The following ATOSB variants were observed in gnomAD, a reference collection of about 807,000 sequenced individuals.
ATOSB encodes the protein atos homolog B.
the ATOSB span, chr9:35,107,444 A>C: frequency 6.2e-7 from 1 of 1,613,858 alleles, no homozygotes; most frequent in Non-Finnish European, 8.5e-7. Flanking sequence ...TGGCATCAGA[A>C]CTGTTGGCAG....
chr9:35,114,243 T>C, the ATOSB span, among the ~76,000 whole-genome samples: 1 of 151,928 alleles, frequency 6.6e-6, no homozygotes, highest in East Asian at 1.9e-4. Context: ...AGCTGGAGAG[T>C]CTGCCCTAGG....
At chr9:35,106,905 T>C in the ATOSB span, 1 of 1,563,200 alleles carries the variant, frequency 6.4e-7, no homozygotes, top group Admixed American at 1.9e-5. The surrounding 1 kb of genome is among the most constrained non-coding windows in gnomAD (Gnocchi z 4.6). Context: ...CGGAGAGAAA[T>C]GATTGGGAAA....
At chr9:35,105,293 G>A in the ATOSB span, 1 of 1,614,150 alleles carries the variant, frequency 6.2e-7, no homozygotes. The surrounding 1 kb of genome is among the most constrained non-coding windows in gnomAD (Gnocchi z 5.5). Context: ...GGAGCCCTGT[G>A]TCCAGCTCCA....
the ATOSB span, chr9:35,107,568 C>T: frequency 6.3e-7 from 1 of 1,590,796 alleles, no homozygotes; most frequent in Non-Finnish European, 8.5e-7. Flanking sequence ...GGGGCAGGGG[C>T]CTGGGGGTCC....
chr9:35,109,164 T>A, the ATOSB span: 1 of 152,250 alleles, frequency 6.6e-6, no homozygotes, highest in African/African-American at 2.4e-5. Flanking sequence ...ACAAGTGCCA[T>A]CCTAGGGCAC....
the ATOSB span, chr9:35,106,529 G>A: frequency 5.1e-6 from 8 of 1,583,510 alleles, 1 homozygote; most frequent in Middle Eastern, 3.3e-4. The surrounding 1 kb of genome is among the most constrained non-coding windows in gnomAD (Gnocchi z 4.6). Flanking sequence ...AAACCCCAAC[G>A]GGAGCTACCT....
the ATOSB span, chr9:35,106,103 T>G: frequency 2.0e-6 from 3 of 1,509,038 alleles, no homozygotes; most frequent in African/African-American, 4.1e-5. This position sits in a 1 kb window ranked among gnomAD's most constrained non-coding sequence, Gnocchi z 4.6. Flanking sequence ...ACCCTGAACC[T>G]GCCCCTGCCC....
At chr9:35,106,611 C>T in the ATOSB span, 1 of 1,561,272 alleles carries the variant, frequency 6.4e-7, no homozygotes, top group South Asian at 1.2e-5. The surrounding 1 kb of genome is among the most constrained non-coding windows in gnomAD (Gnocchi z 4.6). Flanking sequence ...GCTCAGCAGG[C>T]CTGGCCCCTT....
chr9:35,105,855 G>T, the ATOSB span: 1 of 1,614,158 alleles, frequency 6.2e-7, no homozygotes, highest in South Asian at 1.1e-5. This position sits in a 1 kb window ranked among gnomAD's most constrained non-coding sequence, Gnocchi z 5.5. Context: ...GGTTAAATAA[G>T]GTCTAGGGAC....
the ATOSB span, chr9:35,104,546 A>G: frequency 3.5e-6 from 1 of 282,224 alleles, no homozygotes; most frequent in South Asian, 2.8e-5. Flanking sequence ...GCATACATGC[A>G]CACTCACACA....
the ATOSB span, chr9:35,105,475 T>C: frequency 2.8e-6 from 4 of 1,419,412 alleles, no homozygotes; most frequent in South Asian, 5.4e-5. This position sits in a 1 kb window ranked among gnomAD's most constrained non-coding sequence, Gnocchi z 5.5. Flanking sequence ...GAGGACTGCT[T>C]GAGCCCAGGA....
At chr9:35,106,783 T>A in the ATOSB span, 3 of 1,543,984 alleles carry the variant, frequency 1.9e-6, no homozygotes, top group East Asian at 7.3e-5. This position sits in a 1 kb window ranked among gnomAD's most constrained non-coding sequence, Gnocchi z 4.6. Context: ...GAGTACAGAC[T>A]TCTGCCCCCA....
At chr9:35,107,748 C>T in the ATOSB span, 1 of 1,574,218 alleles carries the variant, frequency 6.4e-7, no homozygotes, top group East Asian at 2.2e-5. Flanking sequence ...AGGGGCTGGC[C>T]CTGGGGACTC....
the ATOSB span, among the ~76,000 whole-genome samples, chr9:35,115,066 A>C: frequency 6.6e-6 from 1 of 151,618 alleles, no homozygotes; most frequent in Non-Finnish European, 1.5e-5. Context: ...GGAGACAGAG[A>C]CCAAGGCCGG....
the ATOSB span, among the ~76,000 whole-genome samples, chr9:35,114,341 C>T: frequency 6.6e-6 from 1 of 152,144 alleles, no homozygotes; most frequent in East Asian, 1.9e-4. Context: ...CCTTTTTTAC[C>T]CCACCCTACC....
the ATOSB span, among the ~76,000 whole-genome samples, chr9:35,113,673 T>G: frequency 1.6e-5 from 2 of 125,028 alleles, no homozygotes; most frequent in Non-Finnish European, 3.4e-5. Flanking sequence ...AATAAATAAA[T>G]AAAGAGGCCT....
the ATOSB span, chr9:35,108,508 AC>A: frequency 8.1e-7 from 1 of 1,237,256 alleles, no homozygotes. Flanking sequence ...GAATATAGAG[AC>A]CACTCTCAGA....
chr9:35,107,346 A>AT, the ATOSB span: 14 of 1,567,834 alleles, frequency 8.9e-6, no homozygotes, highest in South Asian at 3.6e-5. Context: ...AAAAAAAAGT[A>AT]AAAAAAGAGT....
At chr9:35,106,227 C>CTT in the ATOSB span, 1 of 1,612,756 alleles carries the variant, frequency 6.2e-7, no homozygotes, top group Non-Finnish European at 8.5e-7. This position sits in a 1 kb window ranked among gnomAD's most constrained non-coding sequence, Gnocchi z 4.6. Flanking sequence ...GATGAGCTGA[C>CTT]TTTGGGGTTG....
Sources: allele counts gnomAD v4.1 joint callset (sites outside exome capture counted in the v4.1 genomes callset), GRCh38; gene constraint gnomAD v4.1.1; non-coding constraint Gnocchi (gnomAD v3.1); transcripts MANE v1.5; gene names NCBI Gene and HGNC (gene_info 2026-07-23, HGNC 2026-07-21).